Variants in MAP4K3 observed in about 807,000 individuals in gnomAD.
The protein encoded by MAP4K3 is mitogen-activated protein kinase kinase kinase kinase 3.
Under a neutral mutation model 143.5 loss-of-function variants are expected in MAP4K3, and 94 were observed. The observed-to-expected ratio is 0.65, with a 90% CI of 0.55 to 0.78. The LOEUF is 0.78. Ranked by LOEUF, MAP4K3 falls within the 30% of genes least tolerant of loss-of-function variation. MAP4K3 has a pLI of 0.00. For synonymous variants in MAP4K3, 416 were observed against 347.2 expected, an observed-to-expected ratio of 1.20 and a Z score of -2.20; for missense variants, 1,077 against 1,068.1, an observed-to-expected ratio of 1.01 and a Z score of -0.12.
chr2:39,302,458 G>T (rs1270619436), intron 15 of MAP4K3, among the ~76,000 whole-genome samples: 1 of 152,150 alleles, frequency 6.6e-6, no homozygotes, highest in Non-Finnish European at 1.5e-5. Flanking sequence ...TAGGGAAAAT[G>T]ACAAGAAATA....
At chr2:39,417,215 CTT>C (rs1243263619) in intron 1 of MAP4K3, among the ~76,000 whole-genome samples, 27 of 133,734 alleles carry the variant, frequency 2.0e-4, no homozygotes, top group Admixed American at 2.3e-4. Flanking sequence ...GGTTTCTTTT[CTT>C]TTTTTTTTTT....
chr2:39,360,656 T>C (rs1444474901), intron 2 of MAP4K3, among the ~76,000 whole-genome samples: 1 of 152,180 alleles, frequency 6.6e-6, no homozygotes, highest in Non-Finnish European at 1.5e-5. Context: ...CAGTGTGGCA[T>C]GGCTGGGGAG....
chr2:39,410,710 A>C (rs1259112409), intron 1 of MAP4K3, among the ~76,000 whole-genome samples: 1 of 152,236 alleles, frequency 6.6e-6, no homozygotes, highest in Non-Finnish European at 1.5e-5. Flanking sequence ...CATAATATGA[A>C]GGATAACAAC....
chr2:39,304,793 G>A (rs1419603185), intron 15 of MAP4K3, among the ~76,000 whole-genome samples: 2 of 152,156 alleles, frequency 1.3e-5, no homozygotes, highest in Non-Finnish European at 2.9e-5. Context: ...TAGCCAAAAG[G>A]TAGAAGCAAC....
At chr2:39,257,536 C>A (rs1010033413) in intron 31 of MAP4K3, among the ~76,000 whole-genome samples, 1 of 152,142 alleles carries the variant, frequency 6.6e-6, no homozygotes, top group African/African-American at 2.4e-5. Context: ...CGCGGTGGCT[C>A]ACGCCTGTAA....
intron 24 of MAP4K3, among the ~76,000 whole-genome samples, chr2:39,274,359 G>A (rs951073775): frequency 2.0e-5 from 3 of 151,776 alleles, no homozygotes; most frequent in African/African-American, 7.3e-5. Flanking sequence ...TGGGACTACA[G>A]GCGCCCGCCA....
chr2:39,302,987 T>C (rs1469611594), intron 15 of MAP4K3: 2 of 166,752 alleles, frequency 1.2e-5, no homozygotes, highest in African/African-American at 2.4e-5. Flanking sequence ...GGATGTAACA[T>C]GGAGCACCGG....
At position 39,272,295 on chromosome 2, in the gene MAP4K3, C is replaced by G; in HGVS notation, c.1961G>C (p.Arg654Thr). Residue 654 changes from arginine (R) to threonine (T), a missense_variant, in exon 26 of 34, where the codon AGA becomes ACA. Physicochemically the swap from Arg to Thr is moderately conservative, Grantham distance 71 (BLOSUM62 -1). Coordinates refer to ENST00000263881, the MANE Select transcript of MAP4K3 (RefSeq NM_003618.4). ...GATGTACCCTTACCTTGGCAGTATT[C>G]TGTCAGGGAGTTTGTGTGCTGGAAT... Reference protein sequence around the residue: ...VAIPAHKLPDRILPRKFSVSA... With the variant: ...VAIPAHKLPDTILPRKFSVSA... The G allele has an allele frequency of 1.2e-6, 2 of 1,610,938 alleles. No homozygotes were observed. The highest frequency in any genetic ancestry group is 1.7e-6 in the Non-Finnish European group (2 of 1,177,280).
At chr2:39,358,317 T>A (rs761127892) in intron 2 of MAP4K3, among the ~76,000 whole-genome samples, 3 of 152,186 alleles carry the variant, frequency 2.0e-5, no homozygotes, top group Admixed American at 1.3e-4. Context: ...ATCATCTTTG[T>A]ACCCCTAGTA....
At chr2:39,270,425 A>G (rs1680965228) in intron 26 of MAP4K3, among the ~76,000 whole-genome samples, 1 of 152,244 alleles carries the variant, frequency 6.6e-6, no homozygotes, top group South Asian at 2.1e-4. Context: ...AGGATATTTT[A>G]GAGTACACTA....
intron 3 of MAP4K3, among the ~76,000 whole-genome samples, chr2:39,352,476 CA>C (rs1422354332): frequency 6.6e-6 from 1 of 152,052 alleles, no homozygotes; most frequent in Non-Finnish European, 1.5e-5. Context: ...AGTTAAGCTC[CA>C]AAAGAATTGT....
At chr2:39,269,967 C>A (rs539332279) in intron 26 of MAP4K3, among the ~76,000 whole-genome samples, 1 of 152,242 alleles carries the variant, frequency 6.6e-6, no homozygotes, top group African/African-American at 2.4e-5. Context: ...ACACTCTTAA[C>A]GAATCTGCTT....
intron 2 of MAP4K3, among the ~76,000 whole-genome samples, chr2:39,374,295 G>C (rs954999198): frequency 3.3e-5 from 5 of 152,094 alleles, no homozygotes; most frequent in Admixed American, 6.6e-5. Context: ...CTTGAACCCG[G>C]AGGCGGAGGT....
At chr2:39,314,576 C>A (rs1473966346) in intron 13 of MAP4K3, among the ~76,000 whole-genome samples, 1 of 152,184 alleles carries the variant, frequency 6.6e-6, no homozygotes. Context: ...ATATAACCCA[C>A]CATACTTTCC....
chr2:39,397,201 A>AT (rs1666832480), intron 1 of MAP4K3, among the ~76,000 whole-genome samples: 1 of 152,230 alleles, frequency 6.6e-6, no homozygotes, highest in Non-Finnish European at 1.5e-5. Flanking sequence ...ACTAAAAAAA[A>AT]ATCCTATATA....
At position 39,337,602 on chromosome 2, in the gene MAP4K3, T is replaced by A. The variant is rs375841117; in HGVS notation, c.311-21A>T. On this transcript the variant is annotated intron_variant, in intron 4 of 33. Transcript: ENST00000263881. ...AGTTACTGTAAAAGAAGACAATTAA[T>A]ACTCATAAAATTAGTCAACGCATGT... 6 of 1,560,822 alleles carry A rather than the reference T, an allele frequency of 3.8e-6. No homozygotes were observed. In the South Asian group the frequency reaches 6.8e-5, roughly 18 times the overall value.
chr2:39,391,720 C>T (rs946824369), intron 1 of MAP4K3, among the ~76,000 whole-genome samples: 15 of 152,170 alleles, frequency 9.9e-5, no homozygotes, highest in African/African-American at 3.6e-4. Context: ...AAAAAAACAG[C>T]TTGGGGGAAT....
intron 3 of MAP4K3, among the ~76,000 whole-genome samples, chr2:39,351,089 G>T (rs1665444119): frequency 6.6e-6 from 1 of 152,168 alleles, no homozygotes; most frequent in African/African-American, 2.4e-5. Flanking sequence ...GCATAGCTAT[G>T]CCACTTTATA....
At chr2:39,338,487 C>G (rs962465709) in intron 4 of MAP4K3, among the ~76,000 whole-genome samples, 1 of 152,154 alleles carries the variant, frequency 6.6e-6, no homozygotes, top group Non-Finnish European at 1.5e-5. Flanking sequence ...GGTCTATAAC[C>G]TACCAGACTA....
Sources: allele counts gnomAD v4.1 joint callset (sites outside exome capture counted in the v4.1 genomes callset), GRCh38; gene constraint gnomAD v4.1.1; transcripts MANE v1.5; gene names NCBI Gene and HGNC (gene_info 2026-07-23, HGNC 2026-07-21).